Variants in ERLIN2 observed in about 807,000 individuals in gnomAD.
The protein encoded by ERLIN2 is erlin-2.
In ERLIN2, 22 loss-of-function variants were observed where a neutral mutation model predicts 41.5. The ratio of observed to expected loss-of-function variants is 0.53; its 90% confidence interval spans 0.38 to 0.76. The LOEUF (loss-of-function observed/expected upper bound fraction) is 0.76. ERLIN2 is among the 30% of genes least tolerant of loss of function. The pLI is 0.00. For missense variants in ERLIN2, 247 were observed against 414.3 expected (o/e 0.60, Z 3.51); for synonymous variants, 149 against 150.9 (o/e 0.99, Z 0.09).
At chr8:37,747,189 C>T (rs1803080068) in intron 6 of ERLIN2, 8 of 631,456 alleles carry the variant, frequency 1.3e-5, no homozygotes, top group Non-Finnish European at 1.1e-5. Flanking sequence ...CAGTTAAAGA[C>T]CTCACTGCAT....
At position 37,753,389 on chromosome 8, in the gene ERLIN2, C is replaced by T. The variant is rs544118606; in HGVS notation, c.740-61C>T. The T allele has an allele frequency of 1.5e-5, 21 of 1,423,746 alleles. No homozygotes were observed. In the South Asian group the frequency reaches 2.3e-4, roughly 16 times the overall value. 88.2% of individuals were successfully genotyped at this position (1,423,746 alleles called of 1,614,324 possible). ...ACAGAGTCTTCCCATAGCCTCTGCA[C>T]TTCCTGCAAAGAACTCAGTTTTAGC... On this transcript the variant is annotated intron_variant, in intron 10 of 11. Transcript: ENST00000519638.
In ERLIN2 at chr8:37,746,598, C is replaced by T. The variant is rs901339068; in HGVS notation, c.424+1902C>T. ...ATTTATTAATCTATAATGTATCCCT[C>T]CTATGTATCCATGCAAGGAAGCAAT... On this transcript the variant is annotated intron_variant, in intron 6 of 11. Coordinates refer to ENST00000519638, the MANE Select transcript of ERLIN2 (RefSeq NM_007175.8). 1.2e-5 allele frequency: 11 copies of T among 886,610 alleles called. No homozygotes were observed. The Admixed American group carries it at 6.8e-4, about 55-fold the overall frequency. The allele number at this position is 886,610 out of a possible 1,614,324, so 54.9% of individuals were successfully genotyped here.
In ERLIN2 at chr8:37,758,289, T is replaced by C. The variant is rs956414624; in HGVS notation, c.*4174T>C. On this transcript the variant is annotated 3_prime_UTR_variant, in exon 12 of 12. Transcript: ENST00000519638. The stretch of plus-strand genomic sequence containing the variant: ...TTGAATAGTTATGTTAAGAGTGTAG[T>C]TACTGCAGTTAGACTGCCAAAGTTC... The C allele has an allele frequency of 1.3e-5, 2 of 152,208 alleles. No individual in the cohort carries two copies. The highest frequency in any genetic ancestry group is 4.8e-5 in the African/African-American group (2 of 41,456). The allele number at this position is 152,208 out of a possible 1,614,324, so 9.4% of individuals were successfully genotyped here.
chr8:37,747,647 C>A, intron 6 of ERLIN2: 9 of 1,608,262 alleles, frequency 5.6e-6, no homozygotes, highest in Non-Finnish European at 7.7e-6. Flanking sequence ...CCAAACTTGA[C>A]GACTGCTCCA....
Position 37,741,930 on chromosome 8 carries a change from C to G in ERLIN2, c.236+112C>G. ...GAGGCACCCTTTCTTGGTTAATTCCCTGTCTCGTAGCTCCCTATATTGATT... is the reference window on the plus strand; with the variant it reads ...GAGGCACCCTTTCTTGGTTAATTCCGTGTCTCGTAGCTCCCTATATTGATT... On this transcript the variant is annotated intron_variant, in intron 4 of 11. Coordinates refer to ENST00000519638, the MANE Select transcript of ERLIN2 (RefSeq NM_007175.8). This position sits in a 1 kb window ranked among gnomAD's most constrained non-coding sequence, Gnocchi z 4.8. The G allele has an allele frequency of 1.3e-6, 1 of 798,474 alleles. No individual in the cohort carries two copies. The highest frequency in any genetic ancestry group is 1.4e-5 in the South Asian group (1 of 71,462). The allele number at this position is 798,474 out of a possible 1,614,324, so 49.5% of individuals were successfully genotyped here.
At position 37,757,778 on chromosome 8, in the gene ERLIN2, GA is replaced by G. The variant is rs1451436900; in HGVS notation, c.*3667del. ...AAGATCTCTCTAAAAATAAACAGAT[GA>G]AAATCTATCCCCATTATCGATACAG... On this transcript the variant is annotated 3_prime_UTR_variant, in exon 12 of 12. Transcript: ENST00000519638. The G allele has an allele frequency of 6.6e-6, 1 of 152,132 alleles. No homozygotes were observed. Among genetic ancestry groups the G allele is most frequent in the Non-Finnish European group, 1.5e-5 (1 of 67,998 alleles). The allele number at this position is 152,132 out of a possible 1,614,324, so 9.4% of individuals were successfully genotyped here. A position where few individuals can be genotyped will look rare whatever the true frequency, so the allele number is the denominator to read the frequency against.
At position 37,738,126 on chromosome 8, in the gene ERLIN2, T is replaced by C; in HGVS notation, c.107+97T>C. Reference sequence around the variant, plus strand: ...GCAGATTCTGCTGAACATCTCTATTTATATTTCCTTGAATAGGGGAGCCTT... The same window carrying C: ...GCAGATTCTGCTGAACATCTCTATTCATATTTCCTTGAATAGGGGAGCCTT... On this transcript the variant is annotated intron_variant, in intron 2 of 11. Transcript: ENST00000519638. The C allele has an allele frequency of 2.1e-6, 3 of 1,434,284 alleles. No individual in the cohort carries two copies. In the East Asian group the frequency reaches 6.8e-5, roughly 33 times the overall value. 88.8% of individuals were successfully genotyped at this position (1,434,284 alleles called of 1,614,324 possible).
chr8:37,747,829 A>G (rs1803106862), intron 6 of ERLIN2: 1 of 1,614,206 alleles, frequency 6.2e-7, no homozygotes. Context: ...GGCAGCATCA[A>G]TCACACGGGA....
chr8:37,738,756 G>A (rs922260894), intron 2 of ERLIN2, among the ~76,000 whole-genome samples: 2 of 151,996 alleles, frequency 1.3e-5, no homozygotes, highest in Admixed American at 6.5e-5. Context: ...ATGGCAGCAC[G>A]TGCCTGTAAT....
rs1802709066 is a variant in ERLIN2, at chr8:37,737,903, C to G, written c.-15-5C>G. ...CACACACATTTTCCCGTGTCTTTTC[C>G]CTAGGATAAAGGCTCACTGATGGCT... On this transcript the variant is annotated splice_region_variant and splice_polypyrimidine_tract_variant and intron_variant, in intron 1 of 11. Coordinates refer to ENST00000519638, the MANE Select transcript of ERLIN2 (RefSeq NM_007175.8). 1 of 1,613,858 alleles carries G rather than the reference C, an allele frequency of 6.2e-7. No homozygotes were observed. The highest frequency in any genetic ancestry group is 1.1e-5 in the South Asian group (1 of 91,084).
intron 3 of ERLIN2, chr8:37,740,785 T>C (rs1274775454): frequency 1.3e-5 from 2 of 152,742 alleles, no homozygotes; most frequent in African/African-American, 4.8e-5. Flanking sequence ...CTGATTCTTA[T>C]TTGAATTCAG....
intron 4 of ERLIN2, among the ~76,000 whole-genome samples, 185 bp downstream of exon 4, chr8:37,742,003 G>C (rs1802866230): frequency 6.6e-6 from 1 of 152,122 alleles, no homozygotes; most frequent in South Asian, 2.1e-4. Context: ...AGGTTCAGGA[G>C]GGGCTAGAAT....
rs1803313443 is a variant in ERLIN2, at chr8:37,754,631, G to A, written c.*516G>A. 5.1e-6 allele frequency: 1 copy of A among 197,514 alleles called. No homozygotes were observed. Among genetic ancestry groups the A allele is most frequent in the East Asian group, 1.2e-4 (1 of 8,174 alleles). 12.2% of individuals were successfully genotyped at this position (197,514 alleles called of 1,614,324 possible). A position where few individuals can be genotyped will look rare whatever the true frequency, so the allele number is the denominator to read the frequency against. On this transcript the variant is annotated 3_prime_UTR_variant, in exon 12 of 12. Coordinates refer to ENST00000519638, the MANE Select transcript of ERLIN2 (RefSeq NM_007175.8). Reference sequence around the variant, plus strand: ...AACATTTGACCTTCCTGGCATTCTTGTCTGCATGTGTGTGAGTTATTTTAG... The same window carrying A: ...AACATTTGACCTTCCTGGCATTCTTATCTGCATGTGTGTGAGTTATTTTAG...
intron 6 of ERLIN2, chr8:37,745,119 A>G (rs1338507109): frequency 7.6e-6 from 4 of 524,978 alleles, no homozygotes; most frequent in Middle Eastern, 5.0e-4. Flanking sequence ...CCAGATGCCA[A>G]TTAGTAGTGG....
chr8:37,744,001 AC>A, intron 4 of ERLIN2, among the ~76,000 whole-genome samples: 1 of 152,322 alleles, frequency 6.6e-6, no homozygotes, highest in East Asian at 1.9e-4. Flanking sequence ...TTCCACAGTA[AC>A]CTTCTAAGTT....
chr8:37,752,671 A>G (rs1287908738), intron 10 of ERLIN2, among the ~76,000 whole-genome samples: 1 of 152,202 alleles, frequency 6.6e-6, no homozygotes, highest in Non-Finnish European at 1.5e-5. Flanking sequence ...TGCTACATAT[A>G]TTACTCACAT....
chr8:37,752,162 C>G (rs892443481), intron 10 of ERLIN2, among the ~76,000 whole-genome samples: 10 of 152,132 alleles, frequency 6.6e-5, no homozygotes, highest in African/African-American at 1.9e-4. Context: ...AGATATTAAG[C>G]CAGGTTTGAA....
intron 2 of ERLIN2, among the ~76,000 whole-genome samples, chr8:37,739,945 A>G (rs1802792894): frequency 6.6e-6 from 1 of 152,048 alleles, no homozygotes. Flanking sequence ...AGCTGGGACT[A>G]TAGGCATACA....
At chr8:37,739,032 C>A (rs1202127991) in intron 2 of ERLIN2, among the ~76,000 whole-genome samples, 3 of 151,400 alleles carry the variant, frequency 2.0e-5, no homozygotes, top group South Asian at 2.1e-4. Context: ...TTTTTTAATT[C>A]TTTGCCTAAT....
Sources: gnomAD v4.1 joint callset for allele counts (sites outside exome capture counted in the v4.1 genomes callset) on GRCh38, gnomAD v4.1.1 for gene constraint, Gnocchi (gnomAD v3.1) non-coding constraint, MANE v1.5 for transcripts, NCBI Gene and HGNC (gene_info 2026-07-23, HGNC 2026-07-21) for gene names.